Variants in LILRB1 observed in about 807,000 individuals in gnomAD.
The protein encoded by LILRB1 is leukocyte immunoglobulin like receptor B1, also known as leukocyte immunoglobulin-like receptor subfamily B member 1.
Under a neutral mutation model 74.6 loss-of-function variants are expected in LILRB1, and 59 were observed. The ratio of observed to expected loss-of-function variants is 0.79; its 90% CI spans 0.64 to 0.98. The LOEUF (loss-of-function observed/expected upper bound fraction) is 0.98, where lower values mean the gene tolerates loss of function less well. LILRB1 is among the 50% of genes least tolerant of loss of function. The probability of loss-of-function intolerance (pLI) is 0.00; values close to 1 mark genes in which losing one functional copy is unlikely to be tolerated. For synonymous variants in LILRB1, 328 were observed against 333.9 expected, an observed-to-expected ratio of 0.98 and a Z score of 0.19; for missense variants, 804 against 822.6, an observed-to-expected ratio of 0.98 and a Z score of 0.28.
chr19:54,630,968 G>A (rs560738798), intron 1 of LILRB1, 58 bp from the exon 2 acceptor site: 109 of 1,611,344 alleles, frequency 6.8e-5, no homozygotes, highest in Non-Finnish European at 7.8e-5. Flanking sequence ...AGCACCCCAT[G>A]AGAAGAAGGA....
chr19:54,634,113 A>T (rs1203318512), intron 9 of LILRB1, 92 bp downstream of exon 9: 2 of 1,543,658 alleles, frequency 1.3e-6, no homozygotes, highest in African/African-American at 2.7e-5. Flanking sequence ...GGAGGTGGTG[A>T]TATAGACAGG....
chr19:54,617,589 G>GTGTGGT (rs58534340), intron 1 of LILRB1, among the ~76,000 whole-genome samples: 7 of 127,484 alleles, frequency 5.5e-5, no homozygotes, highest in East Asian at 4.3e-4. Flanking sequence ...GTGTGTGTGT[G>GTGTGGT]GTGTGTGTGT....
At chr19:54,617,449 T>C (rs953593581) in intron 1 of LILRB1, 3 of 152,174 alleles carry the variant, frequency 2.0e-5, no homozygotes, top group Non-Finnish European at 2.9e-5. Flanking sequence ...GTTACCTTTC[T>C]ACTGAGATAA....
intron 13 of LILRB1, 36 bp from the exon 14 acceptor site, chr19:54,636,458 G>A: frequency 6.2e-7 from 1 of 1,607,030 alleles, no homozygotes; most frequent in Non-Finnish European, 8.5e-7. Flanking sequence ...GGGTCAGGAG[G>A]ATTCAAGGAC....
chr19:54,637,024 T>C lies in LILRB1; in HGVS notation c.*146T>C. On this transcript the variant is annotated 3_prime_UTR_variant, in exon 15 of 15. Transcript: ENST00000324602. ...TTAGGGGTCACTCAATTCTGCAGTA[T>C]AAATAACTAATGTCTCTACAATTTT... is the stretch of plus-strand genomic sequence containing the variant. 1.2e-6 allele frequency: 1 copy of C among 863,990 alleles called. No homozygotes were observed. The highest frequency in any genetic ancestry group is 1.8e-6 in the Non-Finnish European group (1 of 564,914). 53.5% of individuals were successfully genotyped at this position (863,990 alleles called of 1,614,324 possible). A position where few individuals can be genotyped will look rare whatever the true frequency, so the allele number is the denominator to read the frequency against.
In LILRB1 at chr19:54,637,527, T is replaced by G. The variant is rs1182919061; in HGVS notation, c.*649T>G. 1.2e-5 allele frequency: 1 copy of G among 82,346 alleles called. No homozygotes were observed. 5.1% of individuals were successfully genotyped at this position (82,346 alleles called of 1,614,324 possible). The stretch of plus-strand genomic sequence containing the variant: ...CGACAGAGGGAGACTCCATCTCAAA[T>G]TAAAAAAAAAAAAAAAAAAGAAAGA... On this transcript the variant is annotated 3_prime_UTR_variant, in exon 15 of 15. Coordinates refer to ENST00000324602, the MANE Select transcript of LILRB1 (RefSeq NM_001081637.3).
chr19:54,635,707 G>T (rs776648007), intron 13 of LILRB1, 98 bp downstream of exon 13: 5 of 1,375,138 alleles, frequency 3.6e-6, no homozygotes, highest in East Asian at 4.6e-5. Flanking sequence ...TCTCAGCATC[G>T]TCACGGTGGA....
chr19:54,633,406 G>T, intron 7 of LILRB1, 88 bp downstream of exon 7: 1 of 1,516,262 alleles, frequency 6.6e-7, no homozygotes, highest in Admixed American at 2.0e-5. Context: ...TGGAGTGAGC[G>T]GGGGTCTGAG....
chr19:54,630,324 G>A (rs574212654), upstream of LILRB1: 26 of 288,994 alleles, frequency 9.0e-5, no homozygotes, highest in Non-Finnish European at 1.3e-4. Context: ...AAAGGGCACC[G>A]AGGAGGCAGG....
rs747991058 is a variant in LILRB1, at chr19:54,633,308, C to G, written c.1251C>G (p.Leu417=). 2 of 1,613,732 alleles carry G rather than the reference C, an allele frequency of 1.2e-6. No homozygotes were observed. Among genetic ancestry groups the G allele is most frequent in the African/African-American group, 2.7e-5 (2 of 74,918 alleles). The change falls in exon 7 of 15, where the codon CTC becomes CTG. Residue 417 remains leucine, a synonymous_variant. Coordinates refer to ENST00000324602, the MANE Select transcript of LILRB1 (RefSeq NM_001081637.3). ...CTCACCCCAGTGACCCCCTGGAGCT[C>G]GTGGTCTCAGGTGGGGGCCTTGACC... ...LLTHPSDPLE[L]VVSGPSGGPS...
chr19:54,625,231 G>T (rs1051917998), intron 1 of LILRB1, among the ~76,000 whole-genome samples: 1 of 147,360 alleles, frequency 6.8e-6, no homozygotes, highest in Admixed American at 6.8e-5. Context: ...CCTGCAGCTG[G>T]CAAGCCCCAT....
In LILRB1 at chr19:54,631,935, G is replaced by C; in HGVS notation, c.359G>C (p.Gly120Ala). 6.2e-7 allele frequency: 1 copy of C among 1,612,420 alleles called. No homozygotes were observed. Among genetic ancestry groups the C allele is most frequent in the South Asian group, 1.1e-5 (1 of 90,970 alleles). ...AACACGGTGCCTCCTTCTCTCCTAG[G>C]AGCCTACATCAAACCCACCCTCTCA... is the stretch of plus-strand genomic sequence containing the variant. Reference protein sequence around the residue: ...SSDPLELVVTGAYIKPTLSAQ... With the variant: ...SSDPLELVVTAAYIKPTLSAQ... The change falls in exon 5 of 15, where the codon GGA (glycine) becomes GCA (alanine). Residue 120 changes from glycine (G) to alanine (A), a missense_variant and splice_region_variant. Coordinates refer to ENST00000324602, the MANE Select transcript of LILRB1 (RefSeq NM_001081637.3).
In LILRB1 at chr19:54,633,393, G is replaced by A. The variant is rs7248816; in HGVS notation, c.1261+75G>A. 1.3e-3 allele frequency: 1,957 copies of A among 1,540,294 alleles called. 29 individuals are homozygous for A. The African/African-American group carries it at 0.022, about 17-fold the overall frequency. On this transcript the variant is annotated intron_variant, in intron 7 of 14. Transcript: ENST00000324602. ...CCTGCCCCAGGAGAGCTCTGGGCTG[G>A]GATGGAGTGAGCGGGGGTCTGAGAG... is the stretch of plus-strand genomic sequence containing the variant.
intron 1 of LILRB1, among the ~76,000 whole-genome samples, chr19:54,618,547 C>G (rs371462563): frequency 2.0e-5 from 3 of 152,144 alleles, no homozygotes; most frequent in African/African-American, 7.2e-5. Context: ...CGGTGGCTCA[C>G]GCCTGTAACC....
intron 1 of LILRB1, chr19:54,617,498 T>C (rs1338475307): frequency 6.6e-6 from 1 of 152,198 alleles, no homozygotes; most frequent in East Asian, 1.9e-4. Context: ...TGCAAGCTGG[T>C]AAATTTATAT....
At position 54,636,487 on chromosome 19, in the gene LILRB1, T is replaced by A; in HGVS notation, c.1654-7T>A. Reference sequence around the variant, plus strand: ...CAAGGACACCCCCCACCACTGTCTCTCTCCAGCAGAGCCCACACGATGAAG... The same window carrying A: ...CAAGGACACCCCCCACCACTGTCTCACTCCAGCAGAGCCCACACGATGAAG... On this transcript the variant is annotated splice_region_variant and splice_polypyrimidine_tract_variant and intron_variant, in intron 13 of 14. Coordinates refer to ENST00000324602, the MANE Select transcript of LILRB1 (RefSeq NM_001081637.3). 1.9e-6 allele frequency: 3 copies of A among 1,610,806 alleles called. No homozygotes were observed. The South Asian group carries it at 3.3e-5, about 18-fold the overall frequency.
intron 9 of LILRB1, 166 bp from the exon 10 acceptor site, chr19:54,634,475 C>T (rs1383751025): frequency 2.2e-5 from 34 of 1,514,496 alleles, no homozygotes; most frequent in Non-Finnish European, 3.0e-5. Context: ...ATTCCCCTCT[C>T]TGAGCGTCAG....
chr19:54,636,082 A>C, intron 13 of LILRB1: 1 of 550,356 alleles, frequency 1.8e-6, no homozygotes, highest in Non-Finnish European at 3.6e-6. Flanking sequence ...ACGTGCTGTA[A>C]GGAACATAAA....
intron 2 of LILRB1, 65 bp from the exon 3 acceptor site, chr19:54,631,206 C>T (rs1426665817): frequency 6.2e-7 from 1 of 1,613,878 alleles, no homozygotes; most frequent in Non-Finnish European, 8.5e-7. Context: ...TCACAAAGAT[C>T]CCAGGGAGGG....
Sources: allele counts gnomAD v4.1 joint callset (sites outside exome capture counted in the v4.1 genomes callset), GRCh38; gene constraint gnomAD v4.1.1; transcripts MANE v1.5; gene names NCBI Gene and HGNC (gene_info 2026-07-23, HGNC 2026-07-21).